FUS: variants seen among roughly 807,000 people sequenced by gnomAD.
FUS encodes the protein RNA-binding protein FUS.
FUS carries 5 observed loss-of-function variants against 82.7 expected under a neutral mutation model. The ratio of observed to expected loss-of-function variants is 0.06; its 90% CI spans 0.03 to 0.13. The LOEUF is 0.13. FUS is among the 10% of genes least tolerant of loss of function. FUS has a pLI of 1.00. For missense variants in FUS, 512 were observed against 707.8 expected, an observed-to-expected ratio of 0.72 and a Z score of 3.14; for synonymous variants, 281 against 247.4, an observed-to-expected ratio of 1.14 and a Z score of -1.27.
chr16:31,184,043 G>A lies in FUS; in HGVS notation c.335+41G>A, dbSNP rs765557132. On this transcript the variant is annotated intron_variant, in intron 4 of 14. Coordinates refer to ENST00000254108, the MANE Select transcript of FUS (RefSeq NM_004960.4). ...TGTCGGGGAAGGCTTGAAAAGAGGG[G>A]TGAATTGATGAGGAATGATAAAGGG... 3.7e-6 allele frequency: 6 copies of A among 1,613,214 alleles called. No individual in the cohort carries two copies. In the East Asian group the frequency reaches 8.9e-5, roughly 24 times the overall value.
Position 31,191,562 on chromosome 16 carries a change from A to G in FUS, c.*124A>G. On this transcript the variant is annotated 3_prime_UTR_variant, in exon 15 of 15. Coordinates refer to ENST00000254108, the MANE Select transcript of FUS (RefSeq NM_004960.4). The stretch of plus-strand genomic sequence containing the variant: ...TTTTTGTGTCGGACTATGTAATTGT[A>G]ACTATACCTCTGGTTCCCATTAAAA... The G allele has an allele frequency of 9.7e-7, 1 of 1,026,404 alleles. No individual in the cohort carries two copies. Among genetic ancestry groups the G allele is most frequent in the Non-Finnish European group, 1.5e-6 (1 of 659,426 alleles). 63.6% of individuals were successfully genotyped at this position (1,026,404 alleles called of 1,614,324 possible).
At chr16:31,187,019 G>C in intron 7 of FUS, 183 bp downstream of exon 7, 3 of 670,428 alleles carry the variant, frequency 4.5e-6, no homozygotes, top group Non-Finnish European at 8.1e-6. Context: ...GGAGCAGGTA[G>C]GGGTAAGACT....
chr16:31,180,487 A>AG (rs2058039307), intron 1 of FUS, among the ~76,000 whole-genome samples: 1 of 151,996 alleles, frequency 6.6e-6, no homozygotes, highest in Non-Finnish European at 1.5e-5. Context: ...GACGCTTCTT[A>AG]GGGGTTTGAA....
chr16:31,185,236 A>C, intron 6 of FUS, 57 bp downstream of exon 6: 1 of 1,533,528 alleles, frequency 6.5e-7, no homozygotes, highest in Non-Finnish European at 8.8e-7. Flanking sequence ...GGATTGCATG[A>C]ATCTCCCTGA....
At chr16:31,194,113 T>C (rs1332427186), downstream of FUS, 2 of 533,262 alleles carry the variant, frequency 3.8e-6, no homozygotes, top group African/African-American at 1.9e-5. Flanking sequence ...GTTAGCCCTT[T>C]CAGCTTTTTT....
chr16:31,191,321 G>A (rs1278056374), intron 14 of FUS, 78 bp from the exon 15 acceptor site: 2 of 1,570,200 alleles, frequency 1.3e-6, no homozygotes, highest in East Asian at 2.2e-5. Context: ...GGTAGGAGGG[G>A]CAGATAGGAT....
chr16:31,192,708 C>T (rs943620462), downstream of FUS: 2 of 481,836 alleles, frequency 4.2e-6, no homozygotes, highest in South Asian at 3.1e-5. Flanking sequence ...GTAGCTGAGA[C>T]TACAGGCGTG....
In FUS at chr16:31,190,954, T is replaced by C. The variant is rs1398640036; in HGVS notation, c.1394-9T>C. On this transcript the variant is annotated splice_polypyrimidine_tract_variant and intron_variant, in intron 13 of 14. Coordinates refer to ENST00000254108, the MANE Select transcript of FUS (RefSeq NM_004960.4). Reference sequence around the variant, plus strand: ...GGGAATATGATAGATCTTGTTTCTTTTGTCCTAGGGGGTAACTACGGGGAT... The same window carrying C: ...GGGAATATGATAGATCTTGTTTCTTCTGTCCTAGGGGGTAACTACGGGGAT... 6 of 1,610,508 alleles carry C rather than the reference T, an allele frequency of 3.7e-6. No individual in the cohort carries two copies. The South Asian group carries it at 5.5e-5, about 15-fold the overall frequency.
At chr16:31,183,653 A>G in intron 3 of FUS, 1 of 615,972 alleles carries the variant, frequency 1.6e-6, no homozygotes, top group Non-Finnish European at 2.9e-6. Flanking sequence ...TGAAATTGGA[A>G]CTGTACTAAA....
At chr16:31,187,963 TCG>T in intron 7 of FUS, 2 of 353,144 alleles carry the variant, frequency 5.7e-6, no homozygotes, top group South Asian at 7.9e-5. Context: ...CTCTCTTCTC[TCG>T]GGTGAGAGAA....
chr16:31,191,406 C>A lies in FUS; in HGVS notation c.1549C>A (p.His517Asn), dbSNP rs1482400225. 6.2e-7 allele frequency: 1 copy of A among 1,608,854 alleles called. No individual in the cohort carries two copies. The highest frequency in any genetic ancestry group is 1.7e-5 in the Admixed American group (1 of 59,440). ...TTTTTTTTTTTTTTGCAGGGGTGAG[C>A]ACAGACAGGATCGCAGGGAGAGGCC... ...GPGKMDSRGEHRQDRRERPY is the reference protein window; with the variant it reads ...GPGKMDSRGENRQDRRERPY Residue 517 changes from histidine (H) to asparagine (N), a missense_variant, in exon 15 of 15, where the codon CAC becomes AAC. His to Asn is a moderately conservative substitution (Grantham distance 68, BLOSUM62 1). This residue lies in a region of FUS where 96 missense variants were observed against 120.7 expected (regional missense o/e 0.80). Transcript: ENST00000254108.
intron 1 of FUS, among the ~76,000 whole-genome samples, chr16:31,181,127 C>G (rs2079170378): frequency 6.6e-6 from 1 of 152,160 alleles, no homozygotes; most frequent in Non-Finnish European, 1.5e-5. Context: ...GTTGGTCAGG[C>G]TGGTCTCGAA....
chr16:31,188,453 A>G, intron 8 of FUS, 96 bp downstream of exon 8: 2 of 1,323,212 alleles, frequency 1.5e-6, no homozygotes, highest in Non-Finnish European at 2.2e-6. Context: ...AAACTGAAAA[A>G]AATGGGGATA....
At chr16:31,181,322 G>C (rs1234030252) in intron 1 of FUS, among the ~76,000 whole-genome samples, 1 of 152,234 alleles carries the variant, frequency 6.6e-6, no homozygotes, top group Non-Finnish European at 1.5e-5. Context: ...CGCGTTTCCT[G>C]TGCTGGGAGG....
downstream of FUS, chr16:31,193,756 C>G: frequency 1.9e-6 from 1 of 531,132 alleles, no homozygotes; most frequent in Non-Finnish European, 3.6e-6. Context: ...CCTCAGCCTC[C>G]CAAGTAGCTG....
At chr16:31,180,558 C>T (rs1190063875) in intron 1 of FUS, among the ~76,000 whole-genome samples, 1 of 152,220 alleles carries the variant, frequency 6.6e-6, no homozygotes, top group African/African-American at 2.4e-5. Flanking sequence ...AACTCCCGGC[C>T]CCGCGCTCGA....
intron 3 of FUS, chr16:31,183,558 A>G: frequency 2.3e-6 from 1 of 429,002 alleles, no homozygotes; most frequent in Non-Finnish European, 4.4e-6. Context: ...CTGCACGCAC[A>G]GCTGCATATT....
chr16:31,193,508 C>T (rs1217227490), downstream of FUS: 6 of 529,128 alleles, frequency 1.1e-5, no homozygotes, highest in Non-Finnish European at 2.2e-5. Flanking sequence ...TCCCCTGATG[C>T]CCTCCTGTTA....
intron 7 of FUS, chr16:31,187,190 C>G (rs1246894370): frequency 9.9e-6 from 4 of 404,328 alleles, no homozygotes; most frequent in Non-Finnish European, 1.8e-5. Flanking sequence ...CTTTAGGATC[C>G]TTTTGATCGT....
Sources: gnomAD v4.1 joint callset for allele counts (sites outside exome capture counted in the v4.1 genomes callset) on GRCh38, gnomAD v4.1.1 for gene constraint, gnomAD v4.1.1 regional missense constraint, MANE v1.5 for transcripts, NCBI Gene and HGNC (gene_info 2026-07-23, HGNC 2026-07-21) for gene names.